Variants in COBLL1 observed in about 807,000 individuals in gnomAD.
COBLL1 encodes cordon-bleu WH2 repeat protein like 1.
A neutral mutation model predicts 94.8 loss-of-function variants in COBLL1; 50 were observed. That is an observed-to-expected ratio of 0.53 (90% CI 0.42 to 0.67). The LOEUF (loss-of-function observed/expected upper bound fraction) is 0.67, where lower values mean the gene tolerates loss of function less well. Ranked by LOEUF, COBLL1 falls within the 30% of genes least tolerant of loss-of-function variation. The pLI is 0.00. For missense variants in COBLL1, 1,362 were observed against 1,348.7 expected (o/e 1.01, Z -0.15); for synonymous variants, 448 against 473.8 (o/e 0.95, Z 0.71).
intron 11 of COBLL1, chr2:164,696,191 T>C: frequency 8.0e-6 from 1 of 124,438 alleles, no homozygotes; most frequent in Non-Finnish European, 1.5e-5. Context: ...CCATAGAAGG[T>C]AAATAAAGTT....
Position 164,814,933 on chromosome 2 carries a change from G to T in COBLL1, c.41+26223C>A, listed in dbSNP as rs1390854508. Among the ~76,000 whole-genome samples, 6 of 152,254 alleles carry T rather than the reference G, an allele frequency of 3.9e-5. No homozygotes were observed. In the East Asian group the frequency reaches 9.7e-4, roughly 25 times the overall value. On this transcript the variant is annotated intron_variant, in intron 2 of 13. Transcript: ENST00000652658. ...GACTATATTTGACATAAGTGTCTCA[G>T]CATTTTAGTCTCTTTCTCTTATCCA... is the stretch of plus-strand genomic sequence containing the variant.
chr2:164,704,471 T>C lies in COBLL1; in HGVS notation c.1198A>G (p.Asn400Asp), dbSNP rs1684479490. ...GVPPDSASEANSPEELSSPAG... is the reference protein window; with the variant it reads ...GVPPDSASEADSPEELSSPAG... ...GGGCTGGATAGCTCCTCAGGAGAGT[T>C]TGCTTCTGAAGCACTGTCTGGAGGA... The change falls in exon 9 of 14, where the codon AAC becomes GAC. Residue 400 changes from asparagine to aspartate, a missense_variant. Physicochemically the swap from Asn to Asp is conservative, Grantham distance 23 (BLOSUM62 1). Coordinates refer to ENST00000652658, the MANE Select transcript of COBLL1 (RefSeq NM_001365672.2). The C allele has an allele frequency of 6.2e-7, 1 of 1,613,588 alleles. No homozygotes were observed. The highest frequency in any genetic ancestry group is 8.5e-7 in the Non-Finnish European group (1 of 1,179,504).
intron 2 of COBLL1, among the ~76,000 whole-genome samples, chr2:164,747,966 G>C (rs1466576232): frequency 6.6e-6 from 1 of 151,926 alleles, no homozygotes; most frequent in African/African-American, 2.4e-5. Flanking sequence ...GAAAAAGAAG[G>C]GTCATCAAAC....
chr2:164,710,426 T>G (rs1684832402), intron 7 of COBLL1, among the ~76,000 whole-genome samples: 1 of 152,192 alleles, frequency 6.6e-6, no homozygotes, highest in African/African-American at 2.4e-5. Flanking sequence ...GAATGACTAA[T>G]GCTAAAAGCA....
chr2:164,693,921 T>C (rs1414068535), intron 12 of COBLL1, among the ~76,000 whole-genome samples: 1 of 152,108 alleles, frequency 6.6e-6, no homozygotes, highest in East Asian at 1.9e-4. Flanking sequence ...AATTGGAGAA[T>C]AAACCAGAAG....
chr2:164,742,868 A>T (rs540663954), intron 3 of COBLL1, among the ~76,000 whole-genome samples: 1 of 152,046 alleles, frequency 6.6e-6, no homozygotes, highest in African/African-American at 2.4e-5. Flanking sequence ...AGAGAGAGAG[A>T]GAGCGAGCGA....
rs1169759148 is a variant in COBLL1 at position 164,800,379 on chromosome 2, G to C, written c.41+40777C>G. Among the ~76,000 whole-genome samples the C allele has an allele frequency of 2.0e-5, 3 of 152,246 alleles. No individual in the cohort carries two copies. The East Asian group carries it at 5.8e-4, about 29-fold the overall frequency. On this transcript the variant is annotated intron_variant, in intron 2 of 13. Transcript: ENST00000652658. Reference sequence around the variant, plus strand: ...GATTAAGAACAAAATGAGATCTCATGACACATGTATTAGAATGGCTAACAT... The same window carrying C: ...GATTAAGAACAAAATGAGATCTCATCACACATGTATTAGAATGGCTAACAT...
At chr2:164,689,118 T>G (rs981784287) in intron 13 of COBLL1, among the ~76,000 whole-genome samples, 1 of 152,050 alleles carries the variant, frequency 6.6e-6, no homozygotes, top group Non-Finnish European at 1.5e-5. Context: ...TGACTACATG[T>G]GGGTTGAGTA....
At chr2:164,741,220 G>A (rs1686574984) in intron 3 of COBLL1, among the ~76,000 whole-genome samples, 3 of 151,968 alleles carry the variant, frequency 2.0e-5, no homozygotes, top group Non-Finnish European at 2.9e-5. Context: ...AGGTTGCCGT[G>A]AGCCAAGATC....
intron 7 of COBLL1, chr2:164,721,680 C>T (rs933606641): frequency 2.3e-4 from 36 of 153,202 alleles, no homozygotes; most frequent in Admixed American, 7.2e-4. Flanking sequence ...ATGAACACAA[C>T]TCAAAGACTG....
At chr2:164,670,002 T>G (rs894557697) in intron 1 of COBLL1, among the ~76,000 whole-genome samples, 1 of 152,202 alleles carries the variant, frequency 6.6e-6, no homozygotes, top group Admixed American at 6.5e-5. Flanking sequence ...TCATTGCCGC[T>G]CCTTGAACTG....
At chr2:164,686,109 C>A in intron 13 of COBLL1, 77 bp from the exon 14 acceptor site, 1 of 650,400 alleles carries the variant, frequency 1.5e-6, no homozygotes, top group South Asian at 2.4e-5. Flanking sequence ...TCAACAGTTA[C>A]CACATTTTAA....
intron 2 of COBLL1, among the ~76,000 whole-genome samples, chr2:164,811,939 G>A (rs988568331): frequency 6.6e-6 from 1 of 151,976 alleles, no homozygotes; most frequent in Non-Finnish European, 1.5e-5. Flanking sequence ...AGATTGAGAT[G>A]TCAAGACCTG....
chr2:164,749,819 C>T (rs563844975), intron 2 of COBLL1, among the ~76,000 whole-genome samples: 3 of 152,014 alleles, frequency 2.0e-5, no homozygotes, highest in East Asian at 1.9e-4. Context: ...CTCAAGGTTG[C>T]CAATAACCTA....
chr2:164,681,617 T>C lies in COBLL1; in HGVS notation c.*4329A>G, dbSNP rs1032671017. 1 of 152,128 alleles carries C rather than the reference T, an allele frequency of 6.6e-6. No individual in the cohort carries two copies. The highest frequency in any genetic ancestry group is 2.4e-5 in the African/African-American group (1 of 41,424). The allele number at this position is 152,128 out of a possible 1,614,324, so 9.4% of individuals were successfully genotyped here. ...AGGTATGGATGCAAGAGAGAAAGAATTGAGGCCATCACTATGCCTATCGCT... is the reference window on the plus strand; with the variant it reads ...AGGTATGGATGCAAGAGAGAAAGAACTGAGGCCATCACTATGCCTATCGCT... On this transcript the variant is annotated 3_prime_UTR_variant, in exon 14 of 14. Coordinates refer to ENST00000652658, the MANE Select transcript of COBLL1 (RefSeq NM_001365672.2).
At chr2:164,820,902 T>A (rs1685136536) in intron 2 of COBLL1, among the ~76,000 whole-genome samples, 1 of 152,194 alleles carries the variant, frequency 6.6e-6, no homozygotes. Flanking sequence ...TTTTGTTTTG[T>A]TTTGAGATGG....
At chr2:164,767,704 C>T (rs1688002497) in intron 2 of COBLL1, among the ~76,000 whole-genome samples, 2 of 151,970 alleles carry the variant, frequency 1.3e-5, no homozygotes. Context: ...TTTAGTGTCC[C>T]ATTCAATTAT....
intron 5 of COBLL1, chr2:164,724,397 C>T (rs1685614475): frequency 6.6e-6 from 1 of 152,080 alleles, no homozygotes; most frequent in African/African-American, 2.4e-5. Context: ...GGGAAATTTA[C>T]ATTGAAATAA....
rs1008479236 is a variant in COBLL1 at position 164,705,290 on chromosome 2, A to G, written c.997-185T>C. The G allele has an allele frequency of 2.0e-5, 8 of 402,684 alleles. No individual in the cohort carries two copies. The Admixed American group carries it at 2.7e-4, about 14-fold the overall frequency. 24.9% of individuals were successfully genotyped at this position (402,684 alleles called of 1,614,324 possible). On this transcript the variant is annotated intron_variant, in intron 7 of 13. Transcript: ENST00000652658. ...GGCTATGGGATAGATATGTAAAGAA[A>G]AATAAAATACGGCCTTTCTCAAGAA...
Sources: gnomAD v4.1 joint callset for allele counts (sites outside exome capture counted in the v4.1 genomes callset) on GRCh38, gnomAD v4.1.1 for gene constraint, MANE v1.5 for transcripts, NCBI Gene and HGNC (gene_info 2026-07-23, HGNC 2026-07-21) for gene names.